WDR7: variants seen among roughly 807,000 people sequenced by gnomAD.
WDR7 encodes WD repeat-containing protein 7.
In WDR7, 46 loss-of-function variants were observed where a neutral mutation model predicts 169.4. The ratio of observed to expected loss-of-function variants is 0.27; its 90% CI spans 0.21 to 0.35. The LOEUF (loss-of-function observed/expected upper bound fraction) is 0.35. Ranked by LOEUF, WDR7 falls within the 10% of genes least tolerant of loss-of-function variation. WDR7 has a pLI of 1.00. For synonymous variants in WDR7, 612 were observed against 666.8 expected (o/e 0.92, Z 1.27); for missense variants, 1,534 against 1,859.3 (o/e 0.83, Z 3.22).
chr18:56,845,967 G>A (rs553003777), intron 20 of WDR7, among the ~76,000 whole-genome samples: 10 of 152,058 alleles, frequency 6.6e-5, no homozygotes, highest in South Asian at 2.1e-4. Flanking sequence ...CAACACTTAC[G>A]CATTTTTAGT....
chr18:56,948,693 A>G (rs2047140121), intron 25 of WDR7, among the ~76,000 whole-genome samples: 1 of 152,220 alleles, frequency 6.6e-6, no homozygotes, highest in Admixed American at 6.5e-5. Context: ...CCTTCATTTT[A>G]AAAACAGGCA....
rs74980781 is a variant in WDR7 at position 56,834,075 on chromosome 18, T to C, written c.3304+17931T>C. Reference sequence around the variant, plus strand: ...GGCACAATTCAGTTCCTTGCAGTTATAGGATTGAGGTCCTCAGCTCCTAGA... The same window carrying C: ...GGCACAATTCAGTTCCTTGCAGTTACAGGATTGAGGTCCTCAGCTCCTAGA... On this transcript the variant is annotated intron_variant, in intron 20 of 27. Coordinates refer to ENST00000254442, the MANE Select transcript of WDR7 (RefSeq NM_015285.3). Among the ~76,000 whole-genome samples the C allele has an allele frequency of 8.2e-3, 1,246 of 152,300 alleles. 21 individuals carry two copies. The highest frequency in any genetic ancestry group is 0.026 in the African/African-American group (1,094 of 41,578).
intron 5 of WDR7, among the ~76,000 whole-genome samples, chr18:56,685,110 G>A (rs2025418989): frequency 6.6e-6 from 1 of 152,136 alleles, no homozygotes; most frequent in East Asian, 1.9e-4. Context: ...AGTGCCTAGA[G>A]AACTATGTGA....
intron 26 of WDR7, among the ~76,000 whole-genome samples, chr18:57,001,867 C>G (rs144948431): frequency 5.3e-5 from 8 of 152,176 alleles, no homozygotes; most frequent in Non-Finnish European, 1.2e-4. Context: ...AATCTGTTTC[C>G]TTACTAAGAA....
chr18:56,977,486 T>A (rs1294849748), intron 26 of WDR7, among the ~76,000 whole-genome samples: 1 of 152,182 alleles, frequency 6.6e-6, no homozygotes, highest in Non-Finnish European at 1.5e-5. Context: ...CTTGCAAACC[T>A]TAGTGTCCCA....
intron 14 of WDR7, among the ~76,000 whole-genome samples, chr18:56,751,938 G>A (rs2043799953): frequency 6.6e-6 from 1 of 152,164 alleles, no homozygotes; most frequent in Non-Finnish European, 1.5e-5. Context: ...TCATCTGGAT[G>A]GTTTCAGTTG....
At chr18:56,700,284 G>C (rs1382314211) in intron 12 of WDR7, among the ~76,000 whole-genome samples, 1 of 102,978 alleles carries the variant, frequency 9.7e-6, no homozygotes, top group African/African-American at 3.6e-5. Flanking sequence ...TTGAGATGGA[G>C]TCTTACGCTG....
chr18:56,664,820 AT>A (rs1335877806), intron 1 of WDR7, among the ~76,000 whole-genome samples: 2 of 152,224 alleles, frequency 1.3e-5, no homozygotes, highest in Non-Finnish European at 2.9e-5. Flanking sequence ...TGCATCAGGC[AT>A]TTGGAAGGTG....
chr18:56,887,598 A>G (rs2046214233), intron 21 of WDR7, among the ~76,000 whole-genome samples: 2 of 151,888 alleles, frequency 1.3e-5, no homozygotes, highest in Admixed American at 6.6e-5. Flanking sequence ...AGCCTATTTT[A>G]TTTTAACTGC....
intron 14 of WDR7, among the ~76,000 whole-genome samples, chr18:56,756,035 G>C (rs372141831): frequency 2.6e-4 from 39 of 152,228 alleles, no homozygotes; most frequent in East Asian, 1.2e-3. Flanking sequence ...GAAGAGGAGA[G>C]AAATAGAAAA....
At chr18:56,775,914 T>A (rs2044234935) in intron 16 of WDR7, among the ~76,000 whole-genome samples, 1 of 152,128 alleles carries the variant, frequency 6.6e-6, no homozygotes, top group Non-Finnish European at 1.5e-5. Flanking sequence ...AGGAGAGGGA[T>A]TAATTTGAAG....
chr18:56,839,550 A>G (rs921409417), intron 20 of WDR7, among the ~76,000 whole-genome samples: 3 of 152,218 alleles, frequency 2.0e-5, no homozygotes, highest in African/African-American at 7.2e-5. Flanking sequence ...GTGAATTGAC[A>G]CAAACTCTAT....
intron 26 of WDR7, among the ~76,000 whole-genome samples, chr18:56,981,566 C>T (rs2047645316): frequency 6.6e-6 from 1 of 152,068 alleles, no homozygotes; most frequent in African/African-American, 2.4e-5. Context: ...ATGCATCTGG[C>T]AACAATGGGA....
At chr18:56,850,731 T>G (rs1391025921) in intron 20 of WDR7, among the ~76,000 whole-genome samples, 1 of 152,154 alleles carries the variant, frequency 6.6e-6, no homozygotes, top group African/African-American at 2.4e-5. Flanking sequence ...TAGGTTGGTC[T>G]TGAACTCCTG....
intron 20 of WDR7, among the ~76,000 whole-genome samples, chr18:56,825,362 C>T (rs1389926476): frequency 6.6e-6 from 1 of 152,180 alleles, no homozygotes; most frequent in Admixed American, 6.5e-5. Flanking sequence ...ATTGCAAAAT[C>T]AAGAACTTAA....
chr18:56,689,995 T>C (rs1027760865), intron 7 of WDR7, among the ~76,000 whole-genome samples: 1 of 152,166 alleles, frequency 6.6e-6, no homozygotes, highest in Non-Finnish European at 1.5e-5. Flanking sequence ...AGCAACTTCA[T>C]TGTTTTCTTT....
At chr18:56,840,787 C>G (rs2045473375) in intron 20 of WDR7, among the ~76,000 whole-genome samples, 1 of 151,798 alleles carries the variant, frequency 6.6e-6, no homozygotes, top group Admixed American at 6.6e-5. Context: ...TCACTGTACT[C>G]CAGCCTGGAT....
downstream of WDR7, chr18:57,032,192 C>T (rs886429453): frequency 2.0e-5 from 3 of 152,282 alleles, no homozygotes; most frequent in East Asian, 1.9e-4. Context: ...GAAAGATCAC[C>T]GCATTAGATT....
intron 26 of WDR7, among the ~76,000 whole-genome samples, chr18:56,980,840 C>T (rs371657128): frequency 6.6e-6 from 1 of 152,144 alleles, no homozygotes; most frequent in African/African-American, 2.4e-5. Flanking sequence ...GAACCTGACA[C>T]AAGACAGACA....
Sources: allele counts gnomAD v4.1 joint callset (sites outside exome capture counted in the v4.1 genomes callset), GRCh38; gene constraint gnomAD v4.1.1; transcripts MANE v1.5; gene names NCBI Gene and HGNC (gene_info 2026-07-23, HGNC 2026-07-21).